The following SAMMSON variants were observed in gnomAD, a reference collection of about 807,000 sequenced individuals.
SAMMSON encodes the protein long intergenic non-protein coding RNA 1212.
intron 7 of SAMMSON, among the ~76,000 whole-genome samples, chr3:70,346,761 G>A (rs1263578184): frequency 6.6e-6 from 1 of 152,114 alleles, no homozygotes; most frequent in Admixed American, 6.6e-5. Flanking sequence ...TACAAAAGAT[G>A]TATTACAGTT....
chr3:70,299,976 C>T (rs1005945160), intron 7 of SAMMSON, among the ~76,000 whole-genome samples: 20 of 152,090 alleles, frequency 1.3e-4, no homozygotes, highest in African/African-American at 4.8e-4. Context: ...AAAGAACATA[C>T]CCCAGACTTT....
At chr3:70,139,403 T>C (rs2067518703) in intron 4 of SAMMSON, among the ~76,000 whole-genome samples, 1 of 152,156 alleles carries the variant, frequency 6.6e-6, no homozygotes, top group Non-Finnish European at 1.5e-5. Flanking sequence ...GGTCCTGTCT[T>C]CAGGACCCAC....
chr3:70,388,699 A>G (rs1403751110), intron 9 of SAMMSON, among the ~76,000 whole-genome samples: 1 of 152,156 alleles, frequency 6.6e-6, no homozygotes, highest in Admixed American at 6.6e-5. Context: ...TCTTGCCTTG[A>G]ATGTGAACAT....
At chr3:70,310,518 A>G (rs1702444661) in intron 7 of SAMMSON, among the ~76,000 whole-genome samples, 1 of 151,850 alleles carries the variant, frequency 6.6e-6, no homozygotes, top group African/African-American at 2.4e-5. Flanking sequence ...GGGGTGTGCC[A>G]CCACATCTGA....
rs550526646 is a variant in SAMMSON at position 70,181,979 on chromosome 3, G to T, written n.508-67128G>T. Among the ~76,000 whole-genome samples the T allele has an allele frequency of 2.6e-5, 4 of 152,192 alleles. No homozygotes were observed. In the South Asian group the frequency reaches 8.3e-4, roughly 32 times the overall value. On this transcript the variant is annotated intron_variant and non_coding_transcript_variant, in intron 4 of 9. Coordinates refer to ENST00000642114, the Ensembl canonical transcript of SAMMSON. Reference sequence around the variant, plus strand: ...AAAGACTGCAGGGAAGGAGCATTGGGGAGGGAGTAGTCTTCAGAATCACAG... The same window carrying T: ...AAAGACTGCAGGGAAGGAGCATTGGTGAGGGAGTAGTCTTCAGAATCACAG...
chr3:70,217,591 G>A (rs1701427361), intron 4 of SAMMSON, among the ~76,000 whole-genome samples: 1 of 152,018 alleles, frequency 6.6e-6, no homozygotes, highest in Non-Finnish European at 1.5e-5. Context: ...TCCTAGAGCT[G>A]AAAAAACAGT....
At chr3:70,294,656 A>C (rs921155141) in intron 7 of SAMMSON, among the ~76,000 whole-genome samples, 14 of 152,174 alleles carry the variant, frequency 9.2e-5, no homozygotes, top group Admixed American at 4.6e-4. Context: ...AGGCTCAAAA[A>C]ATAAAGTAAT....
chr3:70,381,219 A>T (rs1311515081), intron 9 of SAMMSON, among the ~76,000 whole-genome samples: 2 of 152,182 alleles, frequency 1.3e-5, no homozygotes, highest in Non-Finnish European at 2.9e-5. Flanking sequence ...AGTAAAGCAT[A>T]TTTCCTGCCT....
chr3:70,311,596 A>T (rs1031991380), intron 7 of SAMMSON, among the ~76,000 whole-genome samples: 1 of 152,214 alleles, frequency 6.6e-6, no homozygotes, highest in Non-Finnish European at 1.5e-5. Flanking sequence ...AGCACTGCAA[A>T]GACCTCACAG....
intron 3 of SAMMSON, among the ~76,000 whole-genome samples, chr3:70,054,827 A>G (rs1017792987): frequency 1.2e-4 from 18 of 152,198 alleles, no homozygotes; most frequent in Admixed American, 1.0e-3. Context: ...TCCCTGCTCA[A>G]TGTTGCTATT....
downstream of SAMMSON, among the ~76,000 whole-genome samples, chr3:70,394,024 G>T (rs1701071359): frequency 6.6e-6 from 1 of 152,152 alleles, no homozygotes; most frequent in Admixed American, 6.5e-5. Flanking sequence ...CCAGGTGAAG[G>T]GTAGTAGTGC....
chr3:70,286,825 C>G (rs530436840), intron 6 of SAMMSON, among the ~76,000 whole-genome samples: 1 of 151,996 alleles, frequency 6.6e-6, no homozygotes, highest in South Asian at 2.1e-4. Flanking sequence ...GAAGCAATTG[C>G]GAATGAGAGT....
At chr3:70,352,107 T>G (rs1702798545) in intron 7 of SAMMSON, among the ~76,000 whole-genome samples, 1 of 77,138 alleles carries the variant, frequency 1.3e-5, no homozygotes, top group Non-Finnish European at 3.1e-5. Flanking sequence ...CTTCTCAATC[T>G]GGCAAAAAAA....
chr3:70,160,165 AT>A (rs1243764953), intron 4 of SAMMSON, among the ~76,000 whole-genome samples: 6 of 151,092 alleles, frequency 4.0e-5, no homozygotes, highest in African/African-American at 9.7e-5. Context: ...CAATTTATTA[AT>A]TTTTTTTGTT....
chr3:70,006,348 A>G (rs2066926291), intron 1 of SAMMSON, among the ~76,000 whole-genome samples: 1 of 152,198 alleles, frequency 6.6e-6, no homozygotes, highest in Admixed American at 6.5e-5. Flanking sequence ...CATCATAAGA[A>G]AGAGGAAGGG....
intron 7 of SAMMSON, among the ~76,000 whole-genome samples, chr3:70,350,525 A>G (rs1702786624): frequency 6.6e-6 from 1 of 152,140 alleles, no homozygotes; most frequent in Non-Finnish European, 1.5e-5. Flanking sequence ...AAGATTTTCA[A>G]TGAAAGATAA....
intron 7 of SAMMSON, among the ~76,000 whole-genome samples, chr3:70,306,797 G>A (rs139575880): frequency 6.6e-6 from 1 of 152,162 alleles, no homozygotes; most frequent in Admixed American, 6.5e-5. Flanking sequence ...TAGGTAGCTA[G>A]TTTTCTGAAG....
At chr3:70,255,138 C>T (rs546174085) in intron 6 of SAMMSON, among the ~76,000 whole-genome samples, 1 of 152,252 alleles carries the variant, frequency 6.6e-6, no homozygotes, top group South Asian at 2.1e-4. Context: ...ATTCTTAAAC[C>T]ATGCTGCTCC....
chr3:70,219,107 G>A (rs567033165), intron 4 of SAMMSON, among the ~76,000 whole-genome samples: 129 of 152,276 alleles, frequency 8.5e-4, no homozygotes, highest in African/African-American at 2.6e-3. Context: ...AGGCTTTCAA[G>A]TTTAAGGTAT....
Sources: allele counts gnomAD v4.1 joint callset (sites outside exome capture counted in the v4.1 genomes callset), GRCh38; gene constraint gnomAD v4.1.1; transcripts MANE v1.5; gene names NCBI Gene and HGNC (gene_info 2026-07-23, HGNC 2026-07-21).